KCNIP4: variants seen among roughly 807,000 people sequenced by gnomAD.
The protein encoded by KCNIP4 is Kv channel-interacting protein 4.
In KCNIP4, 12 loss-of-function variants were observed where a neutral mutation model predicts 34.0. The ratio of observed to expected loss-of-function variants is 0.35; its 90% confidence interval spans 0.23 to 0.57. The LOEUF is 0.57. Ranked by LOEUF, KCNIP4 falls within the 20% of genes least tolerant of loss-of-function variation. The pLI, the probability that KCNIP4 is intolerant of heterozygous loss-of-function variation, is 0.83. For synonymous variants in KCNIP4, 124 were observed against 102.2 expected, an observed-to-expected ratio of 1.21 and a Z score of -1.29; for missense variants, 238 against 311.7, an observed-to-expected ratio of 0.76 and a Z score of 1.78.
At position 20,819,593 on chromosome 4, in the gene KCNIP4, G is replaced by A. The variant is rs765306716; in HGVS notation, c.288+30950C>T. Among the ~76,000 whole-genome samples, 3 of 152,232 alleles carry A rather than the reference G, an allele frequency of 2.0e-5. No homozygotes were observed. In the South Asian group the frequency reaches 6.2e-4, roughly 31 times the overall value. On this transcript the variant is annotated intron_variant, in intron 3 of 8. Coordinates refer to ENST00000382152, the MANE Select transcript of KCNIP4 (RefSeq NM_025221.6). ...GCTCAGAGAATGATGGGTTGTTATA[G>A]TTTGAATGGATGAGGTCCCTCCAAA... is the stretch of plus-strand genomic sequence containing the variant.
At chr4:21,039,848 C>T (rs527392428) in intron 1 of KCNIP4, among the ~76,000 whole-genome samples, 19 of 152,222 alleles carry the variant, frequency 1.2e-4, no homozygotes, top group African/African-American at 2.9e-4. Flanking sequence ...CAATGATGTA[C>T]TCTATATTCA....
chr4:20,776,245 T>C (rs1756356913), intron 3 of KCNIP4, among the ~76,000 whole-genome samples: 1 of 152,242 alleles, frequency 6.6e-6, no homozygotes, highest in South Asian at 2.1e-4. Flanking sequence ...AAAAGTTTTA[T>C]GTTTTTGCCC....
intron 1 of KCNIP4, among the ~76,000 whole-genome samples, chr4:21,533,207 C>A (rs1218045452): frequency 6.6e-6 from 1 of 151,978 alleles, no homozygotes; most frequent in East Asian, 1.9e-4. Context: ...AATGCCATAT[C>A]ATGAATATAT....
chr4:21,870,449 A>G (rs1250053064), intron 1 of KCNIP4, among the ~76,000 whole-genome samples: 1 of 152,124 alleles, frequency 6.6e-6, no homozygotes, highest in African/African-American at 2.4e-5. Flanking sequence ...AGTAAAAAAC[A>G]CACCCCTAGG....
chr4:21,534,420 T>C (rs1451833119), intron 1 of KCNIP4, among the ~76,000 whole-genome samples: 1 of 152,172 alleles, frequency 6.6e-6, no homozygotes, highest in Admixed American at 6.5e-5. Context: ...TTAATTTTAA[T>C]GGGATTTTGA....
intron 1 of KCNIP4, among the ~76,000 whole-genome samples, chr4:21,664,437 G>T (rs1748687072): frequency 1.3e-5 from 2 of 151,740 alleles, no homozygotes; most frequent in African/African-American, 4.8e-5. Context: ...ATAGGAACCA[G>T]AGAAAGCAAT....
chr4:20,820,499 C>G (rs1205858988), intron 3 of KCNIP4, among the ~76,000 whole-genome samples: 1 of 152,010 alleles, frequency 6.6e-6, no homozygotes, highest in Non-Finnish European at 1.5e-5. Flanking sequence ...AAAAAGAACT[C>G]AAAAGATTTG....
At chr4:21,400,116 G>C (rs1266425139) in intron 1 of KCNIP4, among the ~76,000 whole-genome samples, 1 of 152,136 alleles carries the variant, frequency 6.6e-6, no homozygotes, top group Admixed American at 6.5e-5. Flanking sequence ...TAAGGAAAGA[G>C]GTAGAAACAG....
chr4:21,807,464 T>C (rs1350081990), intron 1 of KCNIP4, among the ~76,000 whole-genome samples: 1 of 152,226 alleles, frequency 6.6e-6, no homozygotes, highest in East Asian at 1.9e-4. Flanking sequence ...TCACTCAATC[T>C]AGGGCAGCTT....
chr4:21,424,599 G>GAA (rs1307106201), intron 1 of KCNIP4, among the ~76,000 whole-genome samples: 3 of 144,250 alleles, frequency 2.1e-5, no homozygotes, highest in South Asian at 2.2e-4. Flanking sequence ...AAGAAAGAAA[G>GAA]AGAGAAAAAG....
At chr4:21,467,066 CA>C (rs1483619453) in intron 1 of KCNIP4, among the ~76,000 whole-genome samples, 3 of 114,438 alleles carry the variant, frequency 2.6e-5, no homozygotes, top group East Asian at 5.0e-4. Flanking sequence ...CAAACCAAAC[CA>C]AAACAAACAC....
intron 1 of KCNIP4, among the ~76,000 whole-genome samples, chr4:21,546,402 T>C (rs889711851): frequency 6.6e-6 from 1 of 152,008 alleles, no homozygotes; most frequent in African/African-American, 2.4e-5. Flanking sequence ...CTAGTTCATA[T>C]AAAGCAAAGA....
At chr4:21,761,372 AATTCAAAT>A (rs1328433987) in intron 1 of KCNIP4, among the ~76,000 whole-genome samples, 1 of 152,124 alleles carries the variant, frequency 6.6e-6, no homozygotes, top group Non-Finnish European at 1.5e-5. Flanking sequence ...TTGATGAAGA[AATTCAAAT>A]AATCTAAAAT....
rs79411976 is a variant in KCNIP4 at position 21,933,443 on chromosome 4, T to C, written c.61+15128A>G. ...TGTCTATCTCTAAGTGTAATTCAAA[T>C]GTTGACCCAATTTCTAATTCCTTTA... On this transcript the variant is annotated intron_variant, in intron 1 of 8. Transcript: ENST00000382152. Among the ~76,000 whole-genome samples, 4 of 152,246 alleles carry C rather than the reference T, an allele frequency of 2.6e-5. 1 individual carries two copies. The highest frequency in any genetic ancestry group is 5.9e-5 in the Non-Finnish European group (4 of 68,000).
At chr4:21,156,432 A>G (rs1753150912) in intron 1 of KCNIP4, among the ~76,000 whole-genome samples, 1 of 152,170 alleles carries the variant, frequency 6.6e-6, no homozygotes, top group Admixed American at 6.5e-5. Context: ...TCATGAAACA[A>G]TTATTTGGAG....
At chr4:21,882,439 G>A (rs1409977353) in intron 1 of KCNIP4, among the ~76,000 whole-genome samples, 1 of 152,108 alleles carries the variant, frequency 6.6e-6, no homozygotes, top group Non-Finnish European at 1.5e-5. Context: ...CAAATTTTGT[G>A]TTTTGAGACT....
intron 1 of KCNIP4, among the ~76,000 whole-genome samples, chr4:21,239,611 G>A (rs1277379071): frequency 2.6e-5 from 4 of 152,106 alleles, no homozygotes; most frequent in Non-Finnish European, 5.9e-5. Flanking sequence ...GCAGCCAACA[G>A]ACACATGAAA....
At chr4:21,019,751 A>G (rs906705447) in intron 1 of KCNIP4, among the ~76,000 whole-genome samples, 14 of 152,198 alleles carry the variant, frequency 9.2e-5, no homozygotes, top group African/African-American at 3.4e-4. Context: ...CCAATTTACT[A>G]AAATCATTGC....
At chr4:21,388,978 A>G (rs541430127) in intron 1 of KCNIP4, among the ~76,000 whole-genome samples, 1 of 111,782 alleles carries the variant, frequency 8.9e-6, no homozygotes, top group Admixed American at 1.0e-4. Context: ...GTTGACATAT[A>G]TTGTCTTGTT....
Sources: allele counts gnomAD v4.1 joint callset (sites outside exome capture counted in the v4.1 genomes callset), GRCh38; gene constraint gnomAD v4.1.1; transcripts MANE v1.5; gene names NCBI Gene and HGNC (gene_info 2026-07-23, HGNC 2026-07-21).